Variants in BTAF1 observed in about 807,000 individuals in gnomAD.
BTAF1 encodes the protein TATA-binding protein-associated factor 172.
In BTAF1, 38 loss-of-function variants were observed where a neutral mutation model predicts 227.1. That is an observed-to-expected ratio of 0.17 (90% CI 0.13 to 0.22). The LOEUF (loss-of-function observed/expected upper bound fraction) is 0.22, where lower values mean the gene tolerates loss of function less well. Ranked by LOEUF, BTAF1 falls within the 10% of genes least tolerant of loss-of-function variation. The pLI, the probability that BTAF1 is intolerant of heterozygous loss-of-function variation, is 1.00. For synonymous variants in BTAF1, 742 were observed against 751.9 expected, an observed-to-expected ratio of 0.99 and a Z score of 0.21; for missense variants, 1,598 against 2,204.0, an observed-to-expected ratio of 0.73 and a Z score of 5.51.
rs371542995 is a variant in BTAF1 at position 92,004,553 on chromosome 10, G to A, written c.3661-3570G>A. Among the ~76,000 whole-genome samples, 5 of 152,176 alleles carry A rather than the reference G, an allele frequency of 3.3e-5. No individual in the cohort carries two copies. The East Asian group carries it at 7.7e-4, about 23-fold the overall frequency. ...TATGATCATGGCTCACTGCAGCTTC[G>A]ACCTCCTGGGCTCAAGTGATCTTTC... On this transcript the variant is annotated intron_variant, in intron 25 of 37. Coordinates refer to ENST00000265990, the MANE Select transcript of BTAF1 (RefSeq NM_003972.3).
chr10:92,024,455 C>T, intron 34 of BTAF1, among the ~76,000 whole-genome samples: 1 of 151,996 alleles, frequency 6.6e-6, no homozygotes, highest in Non-Finnish European at 1.5e-5. Context: ...GAGGCCGAGG[C>T]AGGAGGGTCA....
intron 34 of BTAF1, among the ~76,000 whole-genome samples, chr10:92,021,732 G>C (rs1458677508): frequency 1.3e-5 from 2 of 151,844 alleles, no homozygotes; most frequent in Admixed American, 6.6e-5. Flanking sequence ...TTTTAGTAGA[G>C]ACAGGGTTTC....
intron 6 of BTAF1, among the ~76,000 whole-genome samples, chr10:91,955,875 A>G (rs1002744483): frequency 1.3e-5 from 2 of 152,290 alleles, no homozygotes; most frequent in Non-Finnish European, 2.9e-5. Flanking sequence ...AAATTTCACT[A>G]TTAAGATGGA....
rs570251850 is a variant in BTAF1, at chr10:92,013,266, T to C, written c.4312-401T>C. Among the ~76,000 whole-genome samples, 53 of 152,372 alleles carry C rather than the reference T, an allele frequency of 3.5e-4. 1 individual carries two copies. In the South Asian group the frequency reaches 9.9e-3, roughly 29 times the overall value. ...ATAAATACTGAGTGGGCTTGACTTA[T>C]AACCAAATTCTAATAGGTTGTTGTT... On this transcript the variant is annotated intron_variant, in intron 30 of 37. Coordinates refer to ENST00000265990, the MANE Select transcript of BTAF1 (RefSeq NM_003972.3).
In BTAF1 at chr10:91,927,986, T is replaced by C. The variant is rs1004680486; in HGVS notation, c.14+3896T>C. Among the ~76,000 whole-genome samples the C allele has an allele frequency of 1.7e-4, 26 of 150,398 alleles. No individual in the cohort carries two copies. The East Asian group carries it at 3.5e-3, about 20-fold the overall frequency. ...GAGTTTAACTGCCTTTTTTCTTTTT[T>C]TTTTTTTTTTTTTGCAGTAAGGAAA... On this transcript the variant is annotated intron_variant, in intron 1 of 37. Transcript: ENST00000265990.
At chr10:92,013,630 TC>T in intron 30 of BTAF1, 36 bp from the exon 31 acceptor site, 1 of 1,613,430 alleles carries the variant, frequency 6.2e-7, no homozygotes, top group Non-Finnish European at 8.5e-7. Context: ...AAGGAAATAA[TC>T]CCAGTACAAA....
intron 1 of BTAF1, among the ~76,000 whole-genome samples, chr10:91,929,310 C>T (rs1012254648): frequency 6.6e-6 from 1 of 152,096 alleles, no homozygotes; most frequent in African/African-American, 2.4e-5. Context: ...TATAGTTTTC[C>T]CTCAGCGATC....
At chr10:91,938,442 T>G (rs1287284758) in intron 2 of BTAF1, among the ~76,000 whole-genome samples, 1 of 152,232 alleles carries the variant, frequency 6.6e-6, no homozygotes, top group Non-Finnish European at 1.5e-5. Flanking sequence ...AATTTTTGTG[T>G]ATGTTAATGA....
In BTAF1 at chr10:91,981,878, T is replaced by G. The variant is rs1848085975; in HGVS notation, c.1905+86T>G. ...CATATTTTTAAAAATCTGTATTGCCTTAAGTGTGATTTAATTAACATAAGT... is the reference window on the plus strand; with the variant it reads ...CATATTTTTAAAAATCTGTATTGCCGTAAGTGTGATTTAATTAACATAAGT... On this transcript the variant is annotated intron_variant, in intron 16 of 37. Transcript: ENST00000265990. 2.1e-6 allele frequency: 3 copies of G among 1,429,946 alleles called. No homozygotes were observed. The South Asian group carries it at 4.5e-5, about 21-fold the overall frequency. 88.6% of individuals were successfully genotyped at this position (1,429,946 alleles called of 1,614,324 possible). A position where few individuals can be genotyped will look rare whatever the true frequency, so the allele number is the denominator to read the frequency against.
At chr10:91,924,560 G>A (rs897878649) in intron 1 of BTAF1, among the ~76,000 whole-genome samples, 3 of 152,180 alleles carry the variant, frequency 2.0e-5, no homozygotes, top group Non-Finnish European at 4.4e-5. Context: ...GTTCTTTCCT[G>A]AGATGTTTTT....
intron 12 of BTAF1, 137 bp from the exon 13 acceptor site, chr10:91,963,940 C>A: frequency 1.1e-6 from 1 of 893,530 alleles, no homozygotes; most frequent in Non-Finnish European, 1.7e-6. Flanking sequence ...CTTAACTTTA[C>A]TCAAAATTGA....
chr10:92,025,801 A>T (rs1344393636), intron 35 of BTAF1, among the ~76,000 whole-genome samples: 1 of 117,454 alleles, frequency 8.5e-6, no homozygotes, highest in Non-Finnish European at 1.6e-5. Context: ...ACAGAGCAAG[A>T]CTCTGTCTCA....
intron 1 of BTAF1, among the ~76,000 whole-genome samples, chr10:91,928,772 C>G (rs1343242737): frequency 8.9e-6 from 1 of 112,744 alleles, no homozygotes; most frequent in Non-Finnish European, 1.9e-5. Flanking sequence ...CCCCCCCCCC[C>G]CGCCCCCCAA....
intron 14 of BTAF1, among the ~76,000 whole-genome samples, chr10:91,974,523 C>T (rs1006622484): frequency 1.1e-4 from 17 of 152,252 alleles, no homozygotes; most frequent in African/African-American, 4.1e-4. Context: ...AATTGGCAAG[C>T]TTGGCATCTT....
At chr10:91,953,684 G>A in intron 5 of BTAF1, 53 bp from the exon 6 acceptor site, 6 of 1,583,106 alleles carry the variant, frequency 3.8e-6, no homozygotes, top group Non-Finnish European at 5.2e-6. Context: ...TGAGACTATA[G>A]GTACTTATTT....
At chr10:91,984,031 T>C (rs953184525) in intron 18 of BTAF1, among the ~76,000 whole-genome samples, 170 bp from the exon 19 acceptor site, 3 of 152,198 alleles carry the variant, frequency 2.0e-5, no homozygotes, top group African/African-American at 7.2e-5. Flanking sequence ...TACAATAATT[T>C]GGATGTAATA....
Position 91,924,232 on chromosome 10 carries a change from C to G in BTAF1, c.14+142C>G, listed in dbSNP as rs1843673533. On this transcript the variant is annotated intron_variant, in intron 1 of 37. Coordinates refer to ENST00000265990, the MANE Select transcript of BTAF1 (RefSeq NM_003972.3). ...TCTTCAGTAGACTTCGGAGTTCGCCCCGTGGTCGGCGGGGGTTTGGGCTCG... is the reference window on the plus strand; with the variant it reads ...TCTTCAGTAGACTTCGGAGTTCGCCGCGTGGTCGGCGGGGGTTTGGGCTCG... The G allele has an allele frequency of 8.4e-6, 10 of 1,189,718 alleles. No homozygotes were observed. The East Asian group carries it at 8.8e-5, about 10-fold the overall frequency. 73.7% of individuals were successfully genotyped at this position (1,189,718 alleles called of 1,614,324 possible). A position where few individuals can be genotyped will look rare whatever the true frequency, so the allele number is the denominator to read the frequency against.
intron 19 of BTAF1, among the ~76,000 whole-genome samples, chr10:91,986,125 T>C (rs1848376983): frequency 6.7e-6 from 1 of 149,810 alleles, no homozygotes; most frequent in East Asian, 1.9e-4. Context: ...TTGGAATTAA[T>C]GTTTGTGTAT....
At chr10:91,939,332 C>A (rs1342428125) in intron 2 of BTAF1, among the ~76,000 whole-genome samples, 1 of 152,134 alleles carries the variant, frequency 6.6e-6, no homozygotes, top group East Asian at 1.9e-4. Flanking sequence ...TTATAACTTT[C>A]AATTCTTTGT....
Sources: allele counts gnomAD v4.1 joint callset (sites outside exome capture counted in the v4.1 genomes callset), GRCh38; gene constraint gnomAD v4.1.1; transcripts MANE v1.5; gene names NCBI Gene and HGNC (gene_info 2026-07-23, HGNC 2026-07-21).